The following CPXM2 variants were observed in gnomAD, a reference collection of about 807,000 sequenced individuals.
CPXM2 encodes the protein inactive carboxypeptidase-like protein X2.
A neutral mutation model predicts 86.1 loss-of-function variants in CPXM2; 66 were observed. That is an observed-to-expected ratio of 0.77 (90% CI 0.63 to 0.94). The LOEUF is 0.94. CPXM2 is among the 40% of genes least tolerant of loss of function. The pLI, the probability that CPXM2 is intolerant of heterozygous loss-of-function variation, is 0.00. For synonymous variants in CPXM2, 388 were observed against 400.2 expected, an observed-to-expected ratio of 0.97 and a Z score of 0.36; for missense variants, 948 against 1,026.3, an observed-to-expected ratio of 0.92 and a Z score of 1.04.
chr10:123,748,445 G>T (rs1024755695), intron 13 of CPXM2, among the ~76,000 whole-genome samples: 3 of 152,148 alleles, frequency 2.0e-5, no homozygotes, highest in African/African-American at 7.2e-5. Context: ...GCATCATGTT[G>T]AAATCATGCA....
At chr10:123,790,162 G>A (rs150343960) in intron 6 of CPXM2, among the ~76,000 whole-genome samples, 15 of 152,296 alleles carry the variant, frequency 9.8e-5, no homozygotes, top group Middle Eastern at 3.4e-3. Context: ...GCAGGGGTGC[G>A]AGCCGGAGTG....
intron 4 of CPXM2, among the ~76,000 whole-genome samples, chr10:123,832,047 C>G (rs376587006): frequency 4.6e-5 from 7 of 151,908 alleles, no homozygotes; most frequent in East Asian, 3.9e-4. Context: ...CCATGGGCCC[C>G]TTCCTCCAAA....
chr10:123,846,838 G>A (rs1848505677), intron 3 of CPXM2, among the ~76,000 whole-genome samples: 1 of 152,082 alleles, frequency 6.6e-6, no homozygotes, highest in Non-Finnish European at 1.5e-5. Context: ...AACAGATGTG[G>A]CTGCATAAAA....
intron 4 of CPXM2, among the ~76,000 whole-genome samples, chr10:123,818,951 A>C (rs1316578185): frequency 6.6e-6 from 1 of 152,086 alleles, no homozygotes; most frequent in Non-Finnish European, 1.5e-5. Flanking sequence ...CCACTAGCAA[A>C]ATTTTCGCTT....
At chr10:123,847,869 G>C (rs1417449549) in intron 3 of CPXM2, among the ~76,000 whole-genome samples, 1 of 152,148 alleles carries the variant, frequency 6.6e-6, no homozygotes, top group Non-Finnish European at 1.5e-5. Flanking sequence ...TCATTCTGCG[G>C]CAGTGAGTCA....
intron 2 of CPXM2, among the ~76,000 whole-genome samples, chr10:123,919,998 C>A (rs1945568123): frequency 6.6e-6 from 1 of 152,130 alleles, no homozygotes; most frequent in African/African-American, 2.4e-5. Flanking sequence ...AGGACAGCAC[C>A]AAGCCTTTCA....
At position 123,868,055 on chromosome 10, in the gene CPXM2, T is replaced by G. The variant is rs183027859; in HGVS notation, c.404-5332A>C. On this transcript the variant is annotated intron_variant, in intron 2 of 13. Transcript: ENST00000241305. ...CTGGAGGCCTCAGAGCCACAGGGGC[T>G]AGGGTAAAACATTTGAAAACATCTG... 1.6e-4 allele frequency among the ~76,000 whole-genome samples: 25 copies of G among 152,316 alleles called. No individual in the cohort carries two copies. The East Asian group carries it at 4.4e-3, about 27-fold the overall frequency.
chr10:123,843,743 A>G (rs965945169), intron 3 of CPXM2, among the ~76,000 whole-genome samples: 1 of 151,994 alleles, frequency 6.6e-6, no homozygotes, highest in African/African-American at 2.4e-5. Flanking sequence ...GCTGAGCAAA[A>G]CTCTATCCAT....
chr10:123,824,656 G>A (rs1210245873), intron 4 of CPXM2, among the ~76,000 whole-genome samples: 1 of 152,196 alleles, frequency 6.6e-6, no homozygotes, highest in Non-Finnish European at 1.5e-5. Flanking sequence ...TTTCAAGCCA[G>A]GCAGAACTGG....
At chr10:123,909,503 G>A (rs1007255230) in intron 2 of CPXM2, among the ~76,000 whole-genome samples, 3 of 152,312 alleles carry the variant, frequency 2.0e-5, no homozygotes, top group African/African-American at 4.8e-5. Flanking sequence ...CCGGCCAGGC[G>A]CTGCTTTCCT....
In CPXM2 at chr10:123,891,579, G is replaced by A. The variant is rs1945273403; in HGVS notation, c.81C>T (p.Gly27=). The A allele has an allele frequency of 2.6e-6, 4 of 1,538,970 alleles. No individual in the cohort carries two copies. The highest frequency in any genetic ancestry group is 1.8e-6 in the Non-Finnish European group (2 of 1,141,340). ...AATAATCAGGGTCCTCGAGGGCTGC[G>A]CCCTGGGCTCCGACCCCGGCCAGGG... ...AVTLAGVGAQ[G]AALEDPDYYG... The change falls in exon 1 of 14, where the codon GGC becomes GGT. Residue 27 remains glycine, a synonymous_variant. Transcript: ENST00000241305. This position sits in a 1 kb window ranked among gnomAD's most constrained non-coding sequence, Gnocchi z 5.6.
intron 2 of CPXM2, among the ~76,000 whole-genome samples, chr10:123,871,702 A>T (rs994136973): frequency 6.6e-6 from 1 of 152,238 alleles, no homozygotes; most frequent in Admixed American, 6.5e-5. Flanking sequence ...TGACCTCAAC[A>T]GAAAATATTG....
At chr10:123,895,784 C>A (rs1388463020), upstream of CPXM2, among the ~76,000 whole-genome samples, 1 of 152,172 alleles carries the variant, frequency 6.6e-6, no homozygotes, top group South Asian at 2.1e-4. Context: ...GTAATGGGGG[C>A]AAACTGGGAA....
intron 2 of CPXM2, among the ~76,000 whole-genome samples, chr10:123,917,286 A>T (rs1051475431): frequency 2.0e-5 from 3 of 152,268 alleles, no homozygotes; most frequent in Non-Finnish European, 4.4e-5. Flanking sequence ...GCTCAGGCAC[A>T]GGAAGGAAAG....
intron 13 of CPXM2, 73 bp from the exon 14 acceptor site, chr10:123,747,090 A>C: frequency 2.0e-6 from 3 of 1,538,246 alleles, no homozygotes; most frequent in Non-Finnish European, 2.6e-6. Context: ...CTCCTCCAAG[A>C]CCAGCTCCCT....
chr10:123,876,756 G>T (rs749964870), intron 2 of CPXM2, among the ~76,000 whole-genome samples: 2 of 152,150 alleles, frequency 1.3e-5, no homozygotes, highest in Non-Finnish European at 2.9e-5. Context: ...GCACACAAAA[G>T]ACCCCAAGAC....
intron 2 of CPXM2, among the ~76,000 whole-genome samples, chr10:123,925,269 AAGAC>A (rs1016826644): frequency 8.5e-5 from 13 of 152,176 alleles, no homozygotes; most frequent in Non-Finnish European, 1.8e-4. Flanking sequence ...TTTCAATTAA[AAGAC>A]AGAGAATTCA....
chr10:123,824,410 A>AC (rs2134118417), intron 4 of CPXM2, among the ~76,000 whole-genome samples: 2 of 152,366 alleles, frequency 1.3e-5, no homozygotes, highest in South Asian at 4.1e-4. Flanking sequence ...CATAGGCTCA[A>AC]CCATTCCTTC....
intron 6 of CPXM2, among the ~76,000 whole-genome samples, chr10:123,783,575 G>GT (rs1846984531): frequency 1.3e-5 from 2 of 152,202 alleles, no homozygotes; most frequent in Non-Finnish European, 2.9e-5. Context: ...AGTGGGAGGT[G>GT]TGTGTGGCCA....
Sources: gnomAD v4.1 joint callset for allele counts (sites outside exome capture counted in the v4.1 genomes callset) on GRCh38, gnomAD v4.1.1 for gene constraint, Gnocchi (gnomAD v3.1) non-coding constraint, MANE v1.5 for transcripts, NCBI Gene and HGNC (gene_info 2026-07-23, HGNC 2026-07-21) for gene names.